Variants in ABCA12 observed in about 807,000 individuals in gnomAD.
The protein encoded by ABCA12 is glucosylceramide transporter ABCA12.
In ABCA12, 156 loss-of-function variants were observed where a neutral mutation model predicts 293.5. The observed-to-expected ratio is 0.53, with a 90% CI of 0.47 to 0.61. The LOEUF (loss-of-function observed/expected upper bound fraction) is 0.61, where lower values mean the gene tolerates loss of function less well. Among genes scored for constraint, ABCA12 ranks in the 20% least tolerant of loss-of-function variants. The pLI, the probability that ABCA12 is intolerant of heterozygous loss-of-function variation, is 0.00. For synonymous variants in ABCA12, 1,063 were observed against 1,108.0 expected (o/e 0.96, Z 0.81); for missense variants, 2,797 against 3,090.2 (o/e 0.91, Z 2.25).
chr2:214,974,740 T>C, intron 35 of ABCA12, 38 bp downstream of exon 35: 1 of 1,592,888 alleles, frequency 6.3e-7, no homozygotes. Flanking sequence ...CAAACTGGAA[T>C]GCTGAAAACA....
At chr2:214,943,283 G>A (rs1312940025) in intron 49 of ABCA12, among the ~76,000 whole-genome samples, 1 of 151,980 alleles carries the variant, frequency 6.6e-6, no homozygotes, top group East Asian at 1.9e-4. Context: ...GACGACAGAT[G>A]TGCACGACAT....
At chr2:214,989,207 T>TATATATATATATATATATATATATATATA in intron 26 of ABCA12, 122 bp downstream of exon 26, 1 of 164,810 alleles carries the variant, frequency 6.1e-6, no homozygotes, top group Non-Finnish European at 1.2e-5. Context: ...TATATATATA[T>TATATATATATATATATATATATATATATA]ATAATATTTT....
At chr2:214,983,523 C>T (rs1699716095) in intron 29 of ABCA12, 124 bp downstream of exon 29, 1 of 917,612 alleles carries the variant, frequency 1.1e-6, no homozygotes, top group Non-Finnish European at 1.7e-6. Context: ...AGTAGAAAAA[C>T]TAAAAAGTAA....
chr2:215,019,241 T>C (rs1424150804), intron 13 of ABCA12, 95 bp downstream of exon 13: 1 of 1,119,082 alleles, frequency 8.9e-7, no homozygotes, highest in African/African-American at 1.5e-5. Flanking sequence ...CAAAGCGAGT[T>C]TGGTTGGGAA....
chr2:215,058,123 C>T (rs1701455792), intron 3 of ABCA12, among the ~76,000 whole-genome samples: 1 of 151,968 alleles, frequency 6.6e-6, no homozygotes, highest in Non-Finnish European at 1.5e-5. Context: ...TTAATGCAAG[C>T]CTCTTGCAAC....
rs1020863537 is a variant in ABCA12, at chr2:214,999,121, T to G, written c.3180-1312A>C. 3.3e-5 allele frequency among the ~76,000 whole-genome samples: 5 copies of G among 152,200 alleles called. No individual in the cohort carries two copies. The East Asian group carries it at 5.8e-4, about 18-fold the overall frequency. On this transcript the variant is annotated intron_variant, in intron 22 of 52. Coordinates refer to ENST00000272895, the MANE Select transcript of ABCA12 (RefSeq NM_173076.3). ...GGAGTTGAGGCCATATTCCATTTTTTTTGTTGTTGTTTCCTGGGAAACTGT... is the reference window on the plus strand; with the variant it reads ...GGAGTTGAGGCCATATTCCATTTTTGTTGTTGTTGTTTCCTGGGAAACTGT...
intron 39 of ABCA12, among the ~76,000 whole-genome samples, chr2:214,960,212 C>A (rs1284954544): frequency 6.6e-6 from 1 of 151,742 alleles, no homozygotes; most frequent in Non-Finnish European, 1.5e-5. Context: ...CAACAAAAAC[C>A]AAGTTGATTT....
intron 39 of ABCA12, chr2:214,961,987 T>C (rs1367455816): frequency 6.6e-6 from 1 of 152,192 alleles, no homozygotes. Flanking sequence ...GATGTTGGCA[T>C]TTCTAAAAGA....
chr2:215,115,147 C>A (rs563185457), intron 1 of ABCA12, among the ~76,000 whole-genome samples: 3 of 152,236 alleles, frequency 2.0e-5, no homozygotes, highest in Non-Finnish European at 4.4e-5. Context: ...AAACCACAGC[C>A]AGCCTATAAA....
At chr2:215,094,151 A>G (rs1045061772) in intron 2 of ABCA12, among the ~76,000 whole-genome samples, 1 of 152,144 alleles carries the variant, frequency 6.6e-6, no homozygotes, top group Non-Finnish European at 1.5e-5. Flanking sequence ...TGCCTTCCAT[A>G]TCCTGCACCA....
intron 5 of ABCA12, 148 bp from the exon 6 acceptor site, chr2:215,049,959 A>G (rs1392540217): frequency 1.4e-6 from 1 of 708,762 alleles, no homozygotes; most frequent in Admixed American, 2.4e-5. Context: ...AATAAAGTAG[A>G]TAGAGTTTAC....
intron 8 of ABCA12, among the ~76,000 whole-genome samples, chr2:215,035,094 T>C (rs746101188): frequency 2.3e-4 from 35 of 152,338 alleles, no homozygotes; most frequent in Admixed American, 7.8e-4. Context: ...TAGTCACTAG[T>C]TCTGCCTTCA....
chr2:215,062,162 T>C (rs1701540663), intron 3 of ABCA12, among the ~76,000 whole-genome samples: 1 of 152,018 alleles, frequency 6.6e-6, no homozygotes, highest in Non-Finnish European at 1.5e-5. Context: ...GTCTTCATTG[T>C]TCTATCTCCT....
At position 214,945,045 on chromosome 2, in the gene ABCA12, T is replaced by C. The variant is rs1485285204; in HGVS notation, c.7299A>G (p.Ser2433=). The change falls in exon 49 of 53, where the codon TCA becomes TCG. Residue 2433 remains serine, a synonymous_variant. Coordinates refer to ENST00000272895, the MANE Select transcript of ABCA12 (RefSeq NM_173076.3). ...KSKRHLWKII[S]EEVQNKCSVI... ...CGGAACATTTGTTCTGTACTTCTTC[T>C]GAAATGATCTTCCAGAGGTGCCGTT... is the stretch of plus-strand genomic sequence containing the variant. 3 of 1,613,742 alleles carry C rather than the reference T, an allele frequency of 1.9e-6. No individual in the cohort carries two copies. The highest frequency in any genetic ancestry group is 2.7e-5 in the African/African-American group (2 of 74,910).
intron 50 of ABCA12, among the ~76,000 whole-genome samples, chr2:214,941,399 G>A (rs1286519503): frequency 1.3e-5 from 2 of 152,190 alleles, no homozygotes; most frequent in Non-Finnish European, 2.9e-5. Context: ...GAATAGTGAT[G>A]TGGTGCTGAG....
At chr2:215,110,371 C>T (rs994600999) in intron 2 of ABCA12, among the ~76,000 whole-genome samples, 10 of 152,032 alleles carry the variant, frequency 6.6e-5, no homozygotes, top group South Asian at 4.1e-4. Context: ...ATTAGCCAGG[C>T]GTGGTGATGG....
intron 51 of ABCA12, among the ~76,000 whole-genome samples, chr2:214,935,714 T>C (rs1698198166): frequency 6.6e-6 from 1 of 152,144 alleles, no homozygotes. Context: ...GAAGGATTCC[T>C]GGAACCCAGG....
chr2:214,945,987 A>T (rs1349514524), intron 48 of ABCA12, among the ~76,000 whole-genome samples: 1 of 152,136 alleles, frequency 6.6e-6, no homozygotes, highest in Non-Finnish European at 1.5e-5. Context: ...ACAGCTAGAC[A>T]AGAAGCATAA....
At chr2:214,976,541 C>G (rs1044770828) in intron 33 of ABCA12, among the ~76,000 whole-genome samples, 1 of 152,172 alleles carries the variant, frequency 6.6e-6, no homozygotes, top group African/African-American at 2.4e-5. Flanking sequence ...GGCTCTGATT[C>G]TAACATGAGG....
Sources: allele counts gnomAD v4.1 joint callset (sites outside exome capture counted in the v4.1 genomes callset), GRCh38; gene constraint gnomAD v4.1.1; transcripts MANE v1.5; gene names NCBI Gene and HGNC (gene_info 2026-07-23, HGNC 2026-07-21).